BCAS4: variants seen among roughly 807,000 people sequenced by gnomAD.
BCAS4 encodes the protein breast carcinoma-amplified sequence 4.
A neutral mutation model predicts 15.7 loss-of-function variants in BCAS4; 9 were observed. The ratio of observed to expected loss-of-function variants is 0.57; its 90% CI spans 0.34 to 1.00. The LOEUF (loss-of-function observed/expected upper bound fraction) is 1.00. Among genes scored for constraint, BCAS4 ranks in the 50% least tolerant of loss-of-function variants. The probability of loss-of-function intolerance (pLI) is 0.02; values close to 1 mark genes in which losing one functional copy is unlikely to be tolerated. For missense variants in BCAS4, 225 were observed against 239.1 expected (o/e 0.94, Z 0.39); for synonymous variants, 101 against 99.5 (o/e 1.02, Z -0.09).
intron 4 of BCAS4, among the ~76,000 whole-genome samples, chr20:50,847,350 G>C (rs749080377): frequency 2.6e-5 from 4 of 152,180 alleles, no homozygotes; most frequent in Non-Finnish European, 4.4e-5. Flanking sequence ...GCCTCCCAAA[G>C]TGTCGGGATT....
rs1280055903 is a variant in BCAS4, at chr20:50,870,272, G to GAGAGGGAGATGC, written c.400-6213_400-6202dup. ...CAGGGATGTGCGATTAGGGCTTCCC[G>GAGAGGGAGATGC]AGAGGGAGATGCGGGTGGGCCCAGA... On this transcript the variant is annotated intron_variant, in intron 4 of 4. Transcript: ENST00000371608. 2.0e-5 allele frequency among the ~76,000 whole-genome samples: 3 copies of GAGAGGGAGATGC among 152,344 alleles called. No homozygotes were observed. In the East Asian group the frequency reaches 5.8e-4, roughly 29 times the overall value.
At chr20:50,807,545 G>A (rs1284660863) in intron 1 of BCAS4, among the ~76,000 whole-genome samples, 1 of 152,198 alleles carries the variant, frequency 6.6e-6, no homozygotes, top group Non-Finnish European at 1.5e-5. Context: ...AACAGGTGGT[G>A]TTTGGTTACA....
Position 50,818,239 on chromosome 20 carries a change from G to C in BCAS4, c.119G>C (p.Gly40Ala), listed in dbSNP as rs915723513. The C allele has an allele frequency of 1.9e-6, 3 of 1,613,806 alleles. No homozygotes were observed. In the African/African-American group the frequency reaches 4.0e-5, roughly 22 times the overall value. The change falls in exon 2 of 5, where the codon GGC becomes GCC. Residue 40 changes from glycine to alanine, a missense_variant. Coordinates refer to ENST00000371608, the MANE Select transcript of BCAS4 (RefSeq NM_198799.4). ...EAKEVEETIE[G>A]MLLRLEEFCS... ...AAGGAGGTGGAGGAGACCATCGAGGGCATGCTCCTCAGGCTGGAAGAGTTT... is the reference window on the plus strand; with the variant it reads ...AAGGAGGTGGAGGAGACCATCGAGGCCATGCTCCTCAGGCTGGAAGAGTTT...
chr20:50,811,314 A>G (rs1243336574), intron 1 of BCAS4, among the ~76,000 whole-genome samples: 1 of 152,112 alleles, frequency 6.6e-6, no homozygotes. Flanking sequence ...GCAGTGAGCT[A>G]TGGTCCCACC....
chr20:50,834,408 G>GC (rs1446190136), intron 3 of BCAS4, among the ~76,000 whole-genome samples: 1 of 148,120 alleles, frequency 6.8e-6, no homozygotes, highest in African/African-American at 2.5e-5. Context: ...CGATTCTCCT[G>GC]CCTCAGCCTC....
intron 3 of BCAS4, 102 bp from the exon 4 acceptor site, chr20:50,841,664 C>T (rs1285748699): frequency 1.7e-5 from 26 of 1,513,558 alleles, no homozygotes; most frequent in East Asian, 9.4e-5. Flanking sequence ...AGGCTGGTCG[C>T]AGTGATGAAA....
At chr20:50,862,974 G>C (rs1044684713) in intron 4 of BCAS4, among the ~76,000 whole-genome samples, 2 of 152,102 alleles carry the variant, frequency 1.3e-5, no homozygotes, top group Admixed American at 1.3e-4. Flanking sequence ...AGAATTATAG[G>C]CGCATGCCAC....
chr20:50,874,843 T>C (rs546183740), intron 4 of BCAS4, among the ~76,000 whole-genome samples: 1 of 152,290 alleles, frequency 6.6e-6, no homozygotes, highest in South Asian at 2.1e-4. Flanking sequence ...ATCCCTGTAC[T>C]GACACGCAGC....
intron 1 of BCAS4, among the ~76,000 whole-genome samples, chr20:50,817,055 C>G (rs2088148652): frequency 6.6e-6 from 1 of 151,692 alleles, no homozygotes. Flanking sequence ...CCCGCCTCAG[C>G]CTCCCAAAGT....
intron 3 of BCAS4, among the ~76,000 whole-genome samples, chr20:50,839,150 C>G (rs1249898296): frequency 2.0e-5 from 3 of 152,224 alleles, no homozygotes; most frequent in Non-Finnish European, 4.4e-5. Flanking sequence ...AAAATCTTTT[C>G]TATTTTACTA....
At chr20:50,832,009 C>T (rs1347211289) in intron 3 of BCAS4, among the ~76,000 whole-genome samples, 1 of 152,228 alleles carries the variant, frequency 6.6e-6, no homozygotes, top group Non-Finnish European at 1.5e-5. Flanking sequence ...AATGTGAAGA[C>T]TTGCAGCCTG....
intron 1 of BCAS4, among the ~76,000 whole-genome samples, chr20:50,802,651 C>G (rs1285849269): frequency 6.6e-6 from 1 of 152,218 alleles, no homozygotes; most frequent in Non-Finnish European, 1.5e-5. Context: ...GCAGGTGGAT[C>G]ACTTGAGGTT....
At chr20:50,867,705 G>A (rs1979426674) in intron 4 of BCAS4, among the ~76,000 whole-genome samples, 1 of 152,188 alleles carries the variant, frequency 6.6e-6, no homozygotes. Flanking sequence ...CTTGAGGTCA[G>A]GAGTTCGAGA....
intron 1 of BCAS4, among the ~76,000 whole-genome samples, chr20:50,808,822 CAGA>C (rs2088026085): frequency 6.6e-6 from 1 of 152,128 alleles, no homozygotes; most frequent in Non-Finnish European, 1.5e-5. Context: ...TTTTGCTGTG[CAGA>C]AGCTTTTTAG....
rs142418406 is a variant in BCAS4 at position 50,850,089 on chromosome 20, A to G, written c.399+8189A>G. Among the ~76,000 whole-genome samples, 336 of 152,330 alleles carry G rather than the reference A, an allele frequency of 2.2e-3. 3 individuals carry two copies. The highest frequency in any genetic ancestry group is 0.02 in the Middle Eastern group (6 of 294). ...CCTCCACTGTGGAGGATTTGAGACC[A>G]GGGAGAAGTAGAGCGGCATCTTCTC... On this transcript the variant is annotated intron_variant, in intron 4 of 4. Coordinates refer to ENST00000371608, the MANE Select transcript of BCAS4 (RefSeq NM_198799.4).
chr20:50,867,418 C>T (rs1979413950), intron 4 of BCAS4, among the ~76,000 whole-genome samples: 1 of 152,074 alleles, frequency 6.6e-6, no homozygotes, highest in African/African-American at 2.4e-5. Flanking sequence ...AAGATCATGG[C>T]TCACTGCAGC....
At chr20:50,819,811 T>C (rs1198028890) in intron 2 of BCAS4, among the ~76,000 whole-genome samples, 1 of 138,538 alleles carries the variant, frequency 7.2e-6, no homozygotes, top group Non-Finnish European at 1.6e-5. Context: ...TCCGTCTTTC[T>C]GTCTTTCCGT....
In BCAS4 at chr20:50,830,315, A is replaced by T. The variant is rs2123791382; in HGVS notation, c.199A>T (p.Ile67Phe). 6.2e-7 allele frequency: 1 copy of T among 1,614,108 alleles called. No homozygotes were observed. The highest frequency in any genetic ancestry group is 1.1e-5 in the South Asian group (1 of 91,052). The change falls in exon 3 of 5, where the codon ATC becomes TTC. Residue 67 changes from isoleucine to phenylalanine, a missense_variant. Coordinates refer to ENST00000371608, the MANE Select transcript of BCAS4 (RefSeq NM_198799.4). ...TACTTCACAGATCCTGGAGGAAAAC[A>T]TCCCAGTCCTTAAGGCCAAACTGAC... Reference protein sequence around the residue: ...SDTSQILEENIPVLKAKLTEM... With the variant: ...SDTSQILEENFPVLKAKLTEM...
intron 1 of BCAS4, among the ~76,000 whole-genome samples, chr20:50,814,976 C>T (rs933438232): frequency 1.5e-4 from 23 of 152,182 alleles, no homozygotes; most frequent in East Asian, 9.7e-4. Context: ...AGAGAGAAAG[C>T]GAGCTATGGA....
Sources: gnomAD v4.1 joint callset for allele counts (sites outside exome capture counted in the v4.1 genomes callset) on GRCh38, gnomAD v4.1.1 for gene constraint, MANE v1.5 for transcripts, NCBI Gene and HGNC (gene_info 2026-07-23, HGNC 2026-07-21) for gene names.